Variants in AGTPBP1 observed in about 807,000 individuals in gnomAD.
The protein encoded by AGTPBP1 is cytosolic carboxypeptidase 1.
In AGTPBP1, 70 loss-of-function variants were observed where a neutral mutation model predicts 143.9. That is an observed-to-expected ratio of 0.49 (90% confidence interval 0.40 to 0.59). The LOEUF is 0.59. Among genes scored for constraint, AGTPBP1 ranks in the 20% least tolerant of loss-of-function variants. The probability of loss-of-function intolerance (pLI) is 0.00; values close to 1 mark genes in which losing one functional copy is unlikely to be tolerated. For missense variants in AGTPBP1, 1,229 were observed against 1,464.5 expected (o/e 0.84, Z 2.62); for synonymous variants, 463 against 500.2 (o/e 0.93, Z 0.99).
At chr9:85,618,585 TG>T (rs1320369971) in intron 17 of AGTPBP1, among the ~76,000 whole-genome samples, 1 of 151,866 alleles carries the variant, frequency 6.6e-6, no homozygotes, top group Non-Finnish European at 1.5e-5. Flanking sequence ...AAATCCCACT[TG>T]GGATTTGTTT....
At chr9:85,649,604 T>C (rs1310157870) in intron 11 of AGTPBP1, among the ~76,000 whole-genome samples, 1 of 152,178 alleles carries the variant, frequency 6.6e-6, no homozygotes. Context: ...TTTTCAAAAC[T>C]ACGGTAAATA....
Position 85,669,383 on chromosome 9 carries a change from C to T in AGTPBP1, c.662+102G>A, listed in dbSNP as rs1390803814. ...TTAAGAACTAAGAAATGAAATAACC[C>T]TGGAGACAATTTAATTCAACCTGCT... is the stretch of plus-strand genomic sequence containing the variant. On this transcript the variant is annotated intron_variant, in intron 8 of 25. Transcript: ENST00000357081. 10 of 542,306 alleles carry T rather than the reference C, an allele frequency of 1.8e-5. No individual in the cohort carries two copies. In the East Asian group the frequency reaches 3.2e-4, roughly 17 times the overall value. The allele number at this position is 542,306 out of a possible 1,614,324, so 33.6% of individuals were successfully genotyped here. A position where few individuals can be genotyped will look rare whatever the true frequency, so the allele number is the denominator to read the frequency against.
intron 25 of AGTPBP1, among the ~76,000 whole-genome samples, chr9:85,566,932 A>G (rs887373608): frequency 6.6e-6 from 1 of 152,240 alleles, no homozygotes; most frequent in Admixed American, 6.5e-5. Context: ...TTATAAAGTC[A>G]GAAAGAAAAG....
chr9:85,689,907 AAAAAAAAAAAAAAAAAAAAT>A (rs1233188048), intron 3 of AGTPBP1, among the ~76,000 whole-genome samples: 1 of 122,230 alleles, frequency 8.2e-6, no homozygotes, highest in Non-Finnish European at 1.6e-5. Flanking sequence ...TCAAAAAAAA[AAAAAAAAAAAAAAAAAAAAT>A]ATATATATAT....
At chr9:85,792,589 AT>A in the AGTPBP1 span, among the ~76,000 whole-genome samples, 1 of 152,370 alleles carries the variant, frequency 6.6e-6, no homozygotes, top group Admixed American at 6.5e-5. Context: ...AATAGAGTAC[AT>A]TAAATGATAT....
the AGTPBP1 span, among the ~76,000 whole-genome samples, chr9:85,757,256 G>A: frequency 9.9e-5 from 15 of 152,072 alleles, no homozygotes; most frequent in African/African-American, 3.6e-4. Context: ...TAGTAGAGAC[G>A]GGGTTTCAAC....
At chr9:85,635,852 A>T (rs1432610124) in intron 13 of AGTPBP1, among the ~76,000 whole-genome samples, 1 of 152,016 alleles carries the variant, frequency 6.6e-6, no homozygotes, top group East Asian at 1.9e-4. Flanking sequence ...ACACGTAAAA[A>T]GAAAAGCCAA....
chr9:85,641,789 C>T (rs527527551), intron 13 of AGTPBP1, among the ~76,000 whole-genome samples: 61 of 152,168 alleles, frequency 4.0e-4, no homozygotes, highest in South Asian at 3.9e-3. Context: ...CAACCTCCAT[C>T]TCCCAGGTCA....
rs1309997682 is a variant in AGTPBP1 at position 85,611,353 on chromosome 9, C to A, written c.2335+7630G>T. ...AAATGATCAAACAACAAAATCCAAC[C>A]TCTTATTTATGAAAAAAAAAGCAAA... On this transcript the variant is annotated intron_variant, in intron 17 of 25. Coordinates refer to ENST00000357081, the MANE Select transcript of AGTPBP1 (RefSeq NM_001330701.2). Among the ~76,000 whole-genome samples the A allele has an allele frequency of 2.0e-5, 3 of 150,938 alleles. No individual in the cohort carries two copies. In the South Asian group the frequency reaches 6.3e-4, roughly 31 times the overall value.
At chr9:85,622,609 A>G (rs927143175) in intron 14 of AGTPBP1, among the ~76,000 whole-genome samples, 11 of 152,198 alleles carry the variant, frequency 7.2e-5, no homozygotes, top group African/African-American at 2.7e-4. Context: ...ATTTTATTCT[A>G]TAAAAAATAA....
the AGTPBP1 span, among the ~76,000 whole-genome samples, chr9:85,795,450 A>G: frequency 6.6e-6 from 1 of 152,224 alleles, no homozygotes; most frequent in Non-Finnish European, 1.5e-5. Flanking sequence ...ACCAAAGAAC[A>G]TACAGCCTGT....
chr9:85,692,806 T>C lies in AGTPBP1; in HGVS notation c.40A>G (p.Asn14Asp). 1 of 1,613,478 alleles carries C rather than the reference T, an allele frequency of 6.2e-7. No individual in the cohort carries two copies. Residue 14 changes from asparagine to aspartate, a missense_variant, in exon 3 of 26, where the codon AAT becomes GAT. Asn to Asp is a conservative substitution (Grantham distance 23). This residue lies in a region of AGTPBP1 where 743 missense variants were observed against 812.2 expected (regional missense o/e 0.91). Coordinates refer to ENST00000357081, the MANE Select transcript of AGTPBP1 (RefSeq NM_001330701.2). ...LKVIPEKSLT[N>D]NSRIVGLLAQ... is the part of the protein sequence containing the mutation. ...AGGAGTCCTACGATCCTAGAATTAT[T>C]GGTAAGGCTAAAAAGAACGTAGAAT...
At chr9:85,675,589 T>A (rs890418123) in intron 6 of AGTPBP1, among the ~76,000 whole-genome samples, 4 of 152,190 alleles carry the variant, frequency 2.6e-5, no homozygotes, top group Non-Finnish European at 5.9e-5. Flanking sequence ...ATTGCATGTA[T>A]CCTTTACAAA....
At chr9:85,642,174 G>A (rs1235909543) in intron 13 of AGTPBP1, among the ~76,000 whole-genome samples, 1 of 152,090 alleles carries the variant, frequency 6.6e-6, no homozygotes, top group African/African-American at 2.4e-5. Context: ...GATCCTGGGC[G>A]ATTTCATAGA....
chr9:85,798,398 G>A, the AGTPBP1 span, among the ~76,000 whole-genome samples: 9 of 139,990 alleles, frequency 6.4e-5, no homozygotes, highest in Admixed American at 1.5e-4. Context: ...ACGGAGTTTC[G>A]CTCTTGTTTC....
chr9:85,623,049 C>T (rs1176223450), intron 14 of AGTPBP1, among the ~76,000 whole-genome samples: 1 of 151,984 alleles, frequency 6.6e-6, no homozygotes, highest in Non-Finnish European at 1.5e-5. Flanking sequence ...TTCCATAACG[C>T]AAAACAGGGT....
At chr9:85,742,776 A>G (rs950089380), upstream of AGTPBP1, among the ~76,000 whole-genome samples, 1 of 152,324 alleles carries the variant, frequency 6.6e-6, no homozygotes, top group Non-Finnish European at 1.5e-5. Flanking sequence ...GTGTACTGCA[A>G]TGTATTGCAA....
At chr9:85,628,300 T>C (rs1386462445) in intron 14 of AGTPBP1, among the ~76,000 whole-genome samples, 1 of 152,144 alleles carries the variant, frequency 6.6e-6, no homozygotes, top group East Asian at 1.9e-4. Flanking sequence ...ATGGTTATAC[T>C]CTCCTGCTGC....
chr9:85,655,771 T>C (rs1265949834), intron 10 of AGTPBP1, among the ~76,000 whole-genome samples: 1 of 152,154 alleles, frequency 6.6e-6, no homozygotes, highest in Non-Finnish European at 1.5e-5. Context: ...TCTCATAAGT[T>C]GGCTATTCAC....
Sources: gnomAD v4.1 joint callset for allele counts (sites outside exome capture counted in the v4.1 genomes callset) on GRCh38, gnomAD v4.1.1 for gene constraint, gnomAD v4.1.1 regional missense constraint, MANE v1.5 for transcripts, NCBI Gene and HGNC (gene_info 2026-07-23, HGNC 2026-07-21) for gene names.